Variants in IGSF9B observed in about 807,000 individuals in gnomAD.
IGSF9B encodes the protein immunoglobulin superfamily member 9B, also known as protein turtle homolog B.
IGSF9B carries 48 observed loss-of-function variants against 143.7 expected under a neutral mutation model. The ratio of observed to expected loss-of-function variants is 0.33; its 90% CI spans 0.26 to 0.42. The LOEUF (loss-of-function observed/expected upper bound fraction) is 0.42, where lower values mean the gene tolerates loss of function less well. IGSF9B is among the 20% of genes least tolerant of loss of function. The pLI is 1.00. For synonymous variants in IGSF9B, 903 were observed against 833.1 expected (o/e 1.08, Z -1.44); for missense variants, 1,706 against 1,980.0 (o/e 0.86, Z 2.63).
At position 133,902,016 on chromosome 11, in the gene IGSF9B, T is replaced by A. The variant is rs942934973; in HGVS notation, c.*7053A>T. On this transcript the variant is annotated 3_prime_UTR_variant, in exon 20 of 20. Coordinates refer to ENST00000533871, the MANE Select transcript of IGSF9B (RefSeq NM_001277285.4). ...ATCACACACACACACACACCAGACA[T>A]ACACACACCATACCACACACCACAC... Among the ~76,000 whole-genome samples the A allele has an allele frequency of 1.0e-5, 1 of 96,886 alleles. No homozygotes were observed. The highest frequency in any genetic ancestry group is 4.8e-5 in the African/African-American group (1 of 20,682). 63.6% of individuals were successfully genotyped at this position (96,886 alleles called of 152,430 possible).
intron 3 of IGSF9B, among the ~76,000 whole-genome samples, chr11:133,943,675 C>T (rs1482878098): frequency 2.6e-5 from 4 of 152,328 alleles, no homozygotes; most frequent in East Asian, 1.9e-4. Flanking sequence ...TGGTAAACCC[C>T]GCACAGGCAG....
chr11:133,904,647 C>T lies in IGSF9B; in HGVS notation c.*4422G>A, dbSNP rs1471602143. On this transcript the variant is annotated 3_prime_UTR_variant, in exon 20 of 20. Coordinates refer to ENST00000533871, the MANE Select transcript of IGSF9B (RefSeq NM_001277285.4). ...CTTGGGATGATCCCCCAGTGTGTAC[C>T]CTGCACCCTTACAAGTAACTAAGTT... 1.3e-5 allele frequency among the ~76,000 whole-genome samples: 2 copies of T among 151,962 alleles called. No homozygotes were observed. Among genetic ancestry groups the T allele is most frequent in the African/African-American group, 2.4e-5 (1 of 41,370 alleles).
Position 133,931,818 on chromosome 11 carries a change from C to A in IGSF9B, c.1111-23G>T. 6.2e-7 allele frequency: 1 copy of A among 1,609,098 alleles called. No individual in the cohort carries two copies. Among genetic ancestry groups the A allele is most frequent in the Non-Finnish European group, 8.5e-7 (1 of 1,178,582 alleles). ...GTTCTGCCAGACACAGACGATAGGG[C>A]AGGGAACGCTGGTCAGAGACTCCGC... On this transcript the variant is annotated intron_variant, in intron 8 of 19. Transcript: ENST00000533871. The surrounding 1 kb of genome is among the most constrained non-coding windows in gnomAD (Gnocchi z 7.7).
intron 18 of IGSF9B, chr11:133,919,009 T>C (rs1368432169): frequency 2.1e-6 from 1 of 484,856 alleles, no homozygotes; most frequent in African/African-American, 2.0e-5. Flanking sequence ...CAGGCAGGCG[T>C]CCAGGCCCTG....
chr11:133,902,581 CA>C lies in IGSF9B; in HGVS notation c.*6487del, dbSNP rs1939156731. On this transcript the variant is annotated 3_prime_UTR_variant, in exon 20 of 20. Coordinates refer to ENST00000533871, the MANE Select transcript of IGSF9B (RefSeq NM_001277285.4). ...CACACACACACCCCACACACACACA[CA>C]CACACCCCACTTACTTCCTGAATCC... Among the ~76,000 whole-genome samples the C allele has an allele frequency of 6.6e-6, 1 of 151,770 alleles. No homozygotes were observed. Among genetic ancestry groups the C allele is most frequent in the East Asian group, 1.9e-4 (1 of 5,178 alleles).
chr11:133,906,513 C>A lies in IGSF9B; in HGVS notation c.*2556G>T, dbSNP rs535843084. On this transcript the variant is annotated 3_prime_UTR_variant, in exon 20 of 20. Transcript: ENST00000533871. ...GGTGACCAGCGAAAAGCACGGCTCC[C>A]CGCGTTGGGTCTACGTGCTGAGGTC... is the stretch of plus-strand genomic sequence containing the variant. Among the ~76,000 whole-genome samples, 110 of 152,332 alleles carry A rather than the reference C, an allele frequency of 7.2e-4. No homozygotes were observed. Among genetic ancestry groups the A allele is most frequent in the African/African-American group, 2.6e-3 (108 of 41,590 alleles).
At position 133,898,466 on chromosome 11, in the gene IGSF9B, A is replaced by G. The variant is rs1939059306; in HGVS notation, c.*10603T>C. 6.5e-6 allele frequency: 1 copy of G among 154,344 alleles called. No homozygotes were observed. 9.6% of individuals were successfully genotyped at this position (154,344 alleles called of 1,614,324 possible). ...GTGCGATGGGAGAATTCTATCCTGC[A>G]TGATCAAAGTCCCTCCTGGGGAAGA... On this transcript the variant is annotated 3_prime_UTR_variant, in exon 20 of 20. Coordinates refer to ENST00000533871, the MANE Select transcript of IGSF9B (RefSeq NM_001277285.4).
intron 3 of IGSF9B, among the ~76,000 whole-genome samples, chr11:133,938,746 G>A (rs145205826): frequency 2.6e-5 from 4 of 152,176 alleles, no homozygotes; most frequent in African/African-American, 9.6e-5. Context: ...GGAGGCCCAC[G>A]GCACTAGGCT....
rs1005715044 is a variant in IGSF9B at position 133,904,920 on chromosome 11, C to T, written c.*4149G>A. ...CTTTGGCCCTCTCCCTAAAGCAACA[C>T]ACACAGCCACATGGGGCTCTACACA... On this transcript the variant is annotated 3_prime_UTR_variant, in exon 20 of 20. Coordinates refer to ENST00000533871, the MANE Select transcript of IGSF9B (RefSeq NM_001277285.4). Among the ~76,000 whole-genome samples, 1 of 150,340 alleles carries T rather than the reference C, an allele frequency of 6.7e-6. No homozygotes were observed. Among genetic ancestry groups the T allele is most frequent in the Admixed American group, 6.7e-5 (1 of 14,978 alleles).
At chr11:133,935,544 C>T in intron 7 of IGSF9B, 73 bp downstream of exon 7, 3 of 1,472,470 alleles carry the variant, frequency 2.0e-6, no homozygotes, top group Non-Finnish European at 1.8e-6. Flanking sequence ...TGCTACCCTC[C>T]AGCCTACAGT....
chr11:133,933,322 C>T (rs1354090075), intron 7 of IGSF9B, among the ~76,000 whole-genome samples: 1 of 152,222 alleles, frequency 6.6e-6, no homozygotes, highest in Non-Finnish European at 1.5e-5. Context: ...AAGCAGTCCC[C>T]GCCTCTACAT....
chr11:133,929,859 G>T, intron 11 of IGSF9B, 77 bp from the exon 12 acceptor site: 1 of 928,188 alleles, frequency 1.1e-6, no homozygotes, highest in Non-Finnish European at 1.7e-6. Context: ...TGGCTGTGGG[G>T]AACCTGAGAG....
intron 18 of IGSF9B, chr11:133,919,177 G>A (rs925501394): frequency 1.2e-5 from 5 of 405,070 alleles, no homozygotes; most frequent in African/African-American, 1.0e-4. Flanking sequence ...CTTTTCTCTG[G>A]GCCTCCAGGA....
chr11:133,953,044 C>A lies in IGSF9B; in HGVS notation c.64+3647G>T, dbSNP rs1940191988. 6.6e-6 allele frequency among the ~76,000 whole-genome samples: 1 copy of A among 152,138 alleles called. No homozygotes were observed. The highest frequency in any genetic ancestry group is 2.4e-5 in the African/African-American group (1 of 41,444). The stretch of plus-strand genomic sequence containing the variant: ...TCTCCCACCCCCACATCTTGAAGCA[C>A]CCAGCAGGGCTGAGGAAGAGAGGGC... On this transcript the variant is annotated intron_variant, in intron 1 of 19. Coordinates refer to ENST00000533871, the MANE Select transcript of IGSF9B (RefSeq NM_001277285.4). This position sits in a 1 kb window ranked among gnomAD's most constrained non-coding sequence, Gnocchi z 4.2.
intron 12 of IGSF9B, 61 bp from the exon 13 acceptor site, chr11:133,927,152 A>T: frequency 7.2e-7 from 1 of 1,383,092 alleles, no homozygotes; most frequent in Non-Finnish European, 9.9e-7. Context: ...ACTGGAGAGA[A>T]GAGGGTGCAT....
At chr11:133,946,862 T>C (rs1385794079) in intron 1 of IGSF9B, among the ~76,000 whole-genome samples, 1 of 152,118 alleles carries the variant, frequency 6.6e-6, no homozygotes, top group East Asian at 1.9e-4. Context: ...CAGCCGAGGC[T>C]GCTCGTGGCA....
chr11:133,930,448 A>G (rs1939701150), intron 11 of IGSF9B, among the ~76,000 whole-genome samples: 1 of 152,170 alleles, frequency 6.6e-6, no homozygotes, highest in Non-Finnish European at 1.5e-5. Flanking sequence ...CTGTGATTAT[A>G]GCCGTCAGGA....
Position 133,909,344 on chromosome 11 carries a change from C to T in IGSF9B, c.4106-67G>A. On this transcript the variant is annotated intron_variant, in intron 19 of 19. Transcript: ENST00000533871. This position sits in a 1 kb window ranked among gnomAD's most constrained non-coding sequence, Gnocchi z 4.2. The stretch of plus-strand genomic sequence containing the variant: ...ATGAAAAGGAAGCACGCAGCCTGCT[C>T]ACCTTTTCCACCTGCATTTGTTCCG... 8.5e-7 allele frequency: 1 copy of T among 1,178,038 alleles called. No individual in the cohort carries two copies. The highest frequency in any genetic ancestry group is 1.2e-6 in the Non-Finnish European group (1 of 823,804). The allele number at this position is 1,178,038 out of a possible 1,614,324, so 73.0% of individuals were successfully genotyped here.
chr11:133,937,164 C>T (rs971413551), intron 5 of IGSF9B, among the ~76,000 whole-genome samples: 2 of 152,286 alleles, frequency 1.3e-5, no homozygotes, highest in East Asian at 1.9e-4. Context: ...TGCCTGGCCA[C>T]GGCCTGTGGG....
Sources: allele counts gnomAD v4.1 joint callset (sites outside exome capture counted in the v4.1 genomes callset), GRCh38; gene constraint gnomAD v4.1.1; non-coding constraint Gnocchi (gnomAD v3.1); transcripts MANE v1.5; gene names NCBI Gene and HGNC (gene_info 2026-07-23, HGNC 2026-07-21).